NTN1: variants seen among roughly 807,000 people sequenced by gnomAD.
NTN1 encodes netrin 1.
Under a neutral mutation model 54.2 loss-of-function variants are expected in NTN1, and 11 were observed. The observed-to-expected ratio is 0.20, with a 90% confidence interval of 0.13 to 0.34. NTN1 has a LOEUF of 0.34. NTN1 is among the 10% of genes least tolerant of loss of function. The pLI, the probability that NTN1 is intolerant of heterozygous loss-of-function variation, is 1.00. For missense variants in NTN1, 740 were observed against 893.1 expected (o/e 0.83, Z 2.18); for synonymous variants, 371 against 382.0 (o/e 0.97, Z 0.33).
intron 2 of NTN1, among the ~76,000 whole-genome samples, chr17:9,142,719 G>C (rs550355830): frequency 6.6e-6 from 1 of 152,140 alleles, no homozygotes; most frequent in Non-Finnish European, 1.5e-5. Flanking sequence ...GTTAATCTGT[G>C]AACCAACCAA....
chr17:9,189,432 A>G (rs1430273832), intron 5 of NTN1, among the ~76,000 whole-genome samples: 1 of 152,074 alleles, frequency 6.6e-6, no homozygotes, highest in Non-Finnish European at 1.5e-5. Context: ...GCTCACTGCA[A>G]CCTCCACCTT....
intron 2 of NTN1, among the ~76,000 whole-genome samples, chr17:9,126,154 G>A (rs1041401719): frequency 2.0e-5 from 3 of 152,218 alleles, no homozygotes; most frequent in Admixed American, 2.0e-4. Flanking sequence ...AATTGAATAG[G>A]ATCATGAGCA....
Position 9,023,135 on chromosome 17 carries a change from G to A in NTN1, c.762G>A (p.Leu254=). 1 of 1,564,286 alleles carries A rather than the reference G, an allele frequency of 6.4e-7. No individual in the cohort carries two copies. Among genetic ancestry groups the A allele is most frequent in the Non-Finnish European group, 8.7e-7 (1 of 1,153,768 alleles). Residue 254 remains leucine (L), a synonymous_variant, in exon 2 of 7, where the codon CTG becomes CTA. Coordinates refer to ENST00000173229, the MANE Select transcript of NTN1 (RefSeq NM_004822.3). ...ATDIRVAFSR[L]HTFGDENEDD... ...ACATCCGCGTGGCCTTCAGCCGCCT[G>A]CACACGTTCGGCGACGAGAACGAGG...
chr17:9,200,870 C>T (rs975234429), intron 5 of NTN1, among the ~76,000 whole-genome samples: 6 of 152,278 alleles, frequency 3.9e-5, no homozygotes, highest in East Asian at 1.9e-4. Context: ...TAAATCCACA[C>T]GTCAGCAGAT....
chr17:9,180,094 A>G (rs2092414258), intron 4 of NTN1, 138 bp downstream of exon 4: 6 of 913,508 alleles, frequency 6.6e-6, no homozygotes, highest in Non-Finnish European at 9.5e-6. Context: ...GCTGGAGTGC[A>G]GTGGCACGAT....
At chr17:9,237,280 A>G (rs570808141) in intron 6 of NTN1, among the ~76,000 whole-genome samples, 1 of 152,276 alleles carries the variant, frequency 6.6e-6, no homozygotes, top group Non-Finnish European at 1.5e-5. Flanking sequence ...GTGTCCTTAC[A>G]GGGTCTTCCC....
the NTN1 span, among the ~76,000 whole-genome samples, chr17:9,007,196 T>G: frequency 6.6e-6 from 1 of 151,774 alleles, no homozygotes; most frequent in African/African-American, 2.4e-5. Context: ...CCTTTCTTTC[T>G]TCCTTCCTTT....
intron 5 of NTN1, among the ~76,000 whole-genome samples, chr17:9,187,022 G>A (rs189563900): frequency 6.6e-6 from 1 of 152,118 alleles, no homozygotes; most frequent in Non-Finnish European, 1.5e-5. Flanking sequence ...TGGGGTAATC[G>A]CAACCCTGCC....
intron 2 of NTN1, among the ~76,000 whole-genome samples, chr17:9,059,012 G>A (rs1279354175): frequency 6.6e-6 from 1 of 152,170 alleles, no homozygotes; most frequent in Non-Finnish European, 1.5e-5. Context: ...GATAATGATA[G>A]TACCTGTCTC....
intron 2 of NTN1, among the ~76,000 whole-genome samples, chr17:9,115,442 T>C (rs1393326917): frequency 6.6e-6 from 1 of 152,220 alleles, no homozygotes; most frequent in African/African-American, 2.4e-5. Context: ...GAGCTCATTG[T>C]CGGGAAGAGA....
At position 9,238,947 on chromosome 17, in the gene NTN1, G is replaced by A. The variant is rs140625291; in HGVS notation, c.1487-693G>A. Among the ~76,000 whole-genome samples, 600 of 152,278 alleles carry A rather than the reference G, an allele frequency of 3.9e-3. 6 individuals carry two copies. Among genetic ancestry groups the A allele is most frequent in the African/African-American group, 0.014 (573 of 41,562 alleles). ...GGGGATTCTGATGCATGCTCCATTT[G>A]GGGAAGTCCTTCTACTAGGGAAAAT... On this transcript the variant is annotated intron_variant, in intron 6 of 6. Coordinates refer to ENST00000173229, the MANE Select transcript of NTN1 (RefSeq NM_004822.3).
In NTN1 at chr17:9,117,769, A is replaced by AC. The variant is rs1463347753; in HGVS notation, c.1019-45042dup. Among the ~76,000 whole-genome samples the AC allele has an allele frequency of 2.5e-3, 235 of 92,272 alleles. 1 individual carries two copies. Among genetic ancestry groups the AC allele is most frequent in the Non-Finnish European group, 3.6e-3 (181 of 50,356 alleles). 60.5% of individuals were successfully genotyped at this position (92,272 alleles called of 152,430 possible). On this transcript the variant is annotated intron_variant, in intron 2 of 6. Coordinates refer to ENST00000173229, the MANE Select transcript of NTN1 (RefSeq NM_004822.3). The stretch of plus-strand genomic sequence containing the variant: ...AAAAAACAAACAAACAAACAAAAAA[A>AC]CCAAAAAAAAAAAAAAAACAAGCTT...
chr17:9,134,622 A>T (rs2092275542), intron 2 of NTN1, among the ~76,000 whole-genome samples: 1 of 152,220 alleles, frequency 6.6e-6, no homozygotes, highest in Admixed American at 6.5e-5. Context: ...GCAGAGAACC[A>T]TGAGAATAGA....
In NTN1 at chr17:9,135,027, T is replaced by A. The variant is rs2092276803; in HGVS notation, c.1019-27786T>A. 6.6e-6 allele frequency among the ~76,000 whole-genome samples: 1 copy of A among 152,040 alleles called. No homozygotes were observed. The highest frequency in any genetic ancestry group is 6.6e-5 in the Admixed American group (1 of 15,260). On this transcript the variant is annotated intron_variant, in intron 2 of 6. Coordinates refer to ENST00000173229, the MANE Select transcript of NTN1 (RefSeq NM_004822.3). The surrounding 1 kb of genome is among the most constrained non-coding windows in gnomAD (Gnocchi z 4.4). ...CCCCCATTGTCATGCAGCTGACACC[T>A]CCAACCCCCATACCCAGACCAAATT...
intron 5 of NTN1, among the ~76,000 whole-genome samples, chr17:9,198,655 G>C (rs1904701646): frequency 6.6e-6 from 1 of 152,134 alleles, no homozygotes; most frequent in Non-Finnish European, 1.5e-5. Flanking sequence ...GTGTCCAGCT[G>C]GTCTCAGTAA....
At chr17:9,123,593 A>G (rs2092237456) in intron 2 of NTN1, among the ~76,000 whole-genome samples, 2 of 152,090 alleles carry the variant, frequency 1.3e-5, no homozygotes, top group South Asian at 4.2e-4. Flanking sequence ...TCTTCCAGTA[A>G]TCTTTACGGT....
intron 2 of NTN1, among the ~76,000 whole-genome samples, chr17:9,157,419 G>GGA (rs1394895816): frequency 6.6e-6 from 1 of 152,242 alleles, no homozygotes; most frequent in African/African-American, 2.4e-5. Context: ...GGTGGGAGAG[G>GGA]GAGAGGGGCA....
At chr17:9,033,107 T>C (rs1026990928) in intron 2 of NTN1, among the ~76,000 whole-genome samples, 2 of 151,942 alleles carry the variant, frequency 1.3e-5, no homozygotes, top group African/African-American at 4.8e-5. Context: ...GCACCCACCA[T>C]CACGCCCAGC....
At chr17:9,127,077 G>C (rs114259412) in intron 2 of NTN1, among the ~76,000 whole-genome samples, 21 of 145,912 alleles carry the variant, frequency 1.4e-4, no homozygotes, top group African/African-American at 4.3e-4. Context: ...GGGCCGGGGG[G>C]GGGCAGGACA....
Sources: allele counts gnomAD v4.1 joint callset (sites outside exome capture counted in the v4.1 genomes callset), GRCh38; gene constraint gnomAD v4.1.1; non-coding constraint Gnocchi (gnomAD v3.1); transcripts MANE v1.5; gene names NCBI Gene and HGNC (gene_info 2026-07-23, HGNC 2026-07-21).